The following LMTK2 variants were observed in gnomAD, a reference collection of about 807,000 sequenced individuals.
LMTK2 encodes lemur tail kinase 2.
In LMTK2, 37 loss-of-function variants were observed where a neutral mutation model predicts 127.5. The ratio of observed to expected loss-of-function variants is 0.29; its 90% CI spans 0.22 to 0.38. The LOEUF is 0.38. Among genes scored for constraint, LMTK2 ranks in the 10% least tolerant of loss-of-function variants. The pLI, the probability that LMTK2 is intolerant of heterozygous loss-of-function variation, is 1.00. For missense variants in LMTK2, 1,694 were observed against 1,920.3 expected, an observed-to-expected ratio of 0.88 and a Z score of 2.20; for synonymous variants, 819 against 810.1, an observed-to-expected ratio of 1.01 and a Z score of -0.19.
chr7:98,165,117 G>A (rs916537938), intron 6 of LMTK2, among the ~76,000 whole-genome samples: 8 of 152,202 alleles, frequency 5.3e-5, no homozygotes, highest in African/African-American at 1.2e-4. Context: ...CATGAAGAGC[G>A]GTGACTTGGG....
chr7:98,185,226 CT>C, intron 8 of LMTK2, 91 bp downstream of exon 8: 1 of 882,296 alleles, frequency 1.1e-6, no homozygotes, highest in South Asian at 1.6e-5. Context: ...GTATAAGAAT[CT>C]TAGTCGCTAG....
intron 9 of LMTK2, among the ~76,000 whole-genome samples, chr7:98,190,201 G>C (rs1359823135): frequency 6.6e-6 from 1 of 152,158 alleles, no homozygotes; most frequent in African/African-American, 2.4e-5. Flanking sequence ...GTGGTATTCA[G>C]TAGCAAATAG....
chr7:98,146,558 AT>A (rs1448210351), intron 3 of LMTK2, among the ~76,000 whole-genome samples: 1 of 151,850 alleles, frequency 6.6e-6, no homozygotes, highest in Non-Finnish European at 1.5e-5. Context: ...TTTCTTAGTG[AT>A]TATAATGATT....
In LMTK2 at chr7:98,154,927, A is replaced by G. The variant is rs752920276; in HGVS notation, c.569+51A>G. 5.6e-6 allele frequency: 6 copies of G among 1,067,532 alleles called. No individual in the cohort carries two copies. In the East Asian group the frequency reaches 1.4e-4, roughly 25 times the overall value. 66.1% of individuals were successfully genotyped at this position (1,067,532 alleles called of 1,614,324 possible). A position where few individuals can be genotyped will look rare whatever the true frequency, so the allele number is the denominator to read the frequency against. On this transcript the variant is annotated intron_variant, in intron 5 of 13. Coordinates refer to ENST00000297293, the MANE Select transcript of LMTK2 (RefSeq NM_014916.4). The stretch of plus-strand genomic sequence containing the variant: ...GTAAGACTAGTCTGTGGTCTGTTGA[A>G]GGTCAGGTGTTTAAAACTACTGTGG...
At chr7:98,117,167 C>T (rs1038634242) in intron 1 of LMTK2, among the ~76,000 whole-genome samples, 1 of 152,210 alleles carries the variant, frequency 6.6e-6, no homozygotes, top group Non-Finnish European at 1.5e-5. Context: ...GCAAGCTGTG[C>T]TCCACCTCTT....
At chr7:98,115,470 G>A (rs927350559) in intron 1 of LMTK2, among the ~76,000 whole-genome samples, 2 of 151,710 alleles carry the variant, frequency 1.3e-5, no homozygotes, top group Admixed American at 1.3e-4. Flanking sequence ...AGGAAGGGAG[G>A]GCGGGAGAGA....
chr7:98,175,667 G>T (rs1351725011), intron 7 of LMTK2, among the ~76,000 whole-genome samples: 1 of 152,256 alleles, frequency 6.6e-6, no homozygotes, highest in East Asian at 1.9e-4. Flanking sequence ...TGGAAGACTT[G>T]CTGAAGGCAG....
Position 98,137,389 on chromosome 7 carries a change from G to A in LMTK2, c.178G>A (p.Val60Met), listed in dbSNP as rs562493853. Residue 60 changes from valine to methionine, a missense_variant, in exon 2 of 14, where the codon GTG becomes ATG. By Grantham distance (21) the Val-to-Met change is conservative. Transcript: ENST00000297293. ...LCVCSLIILI[V>M]LIANCVSCCK... ...TGTGTGCAGTTTAATAATATTAATA[G>A]TGTTAATTGCAAACTGTGTATCCTG... 1.0e-4 allele frequency: 165 copies of A among 1,613,642 alleles called. 1 individual carries two copies. The South Asian group carries it at 1.7e-3, about 17-fold the overall frequency.
At position 98,203,727 on chromosome 7, in the gene LMTK2, G is replaced by A; in HGVS notation, c.4240+21G>A. 3.1e-6 allele frequency: 5 copies of A among 1,610,822 alleles called. No individual in the cohort carries two copies. In the South Asian group the frequency reaches 5.5e-5, roughly 18 times the overall value. On this transcript the variant is annotated intron_variant, in intron 12 of 13. Transcript: ENST00000297293. Reference sequence around the variant, plus strand: ...AGAAGGTATTTCACGTCATTGTCTAGTTTTAAAGGAAACTGAAAAATTGAG... The same window carrying A: ...AGAAGGTATTTCACGTCATTGTCTAATTTTAAAGGAAACTGAAAAATTGAG...
intron 1 of LMTK2, among the ~76,000 whole-genome samples, chr7:98,128,028 C>T (rs539790269): frequency 6.6e-6 from 1 of 152,228 alleles, no homozygotes; most frequent in Non-Finnish European, 1.5e-5. Context: ...CCTATAATAC[C>T]AGCTACTTGG....
At chr7:98,111,004 C>T (rs1479751284) in intron 1 of LMTK2, among the ~76,000 whole-genome samples, 2 of 152,130 alleles carry the variant, frequency 1.3e-5, no homozygotes, top group East Asian at 1.9e-4. Context: ...TTTCAACAGG[C>T]TTTCTATGCA....
chr7:98,117,106 T>C (rs1471309684), intron 1 of LMTK2, among the ~76,000 whole-genome samples: 1 of 152,186 alleles, frequency 6.6e-6, no homozygotes, highest in African/African-American at 2.4e-5. Context: ...AAAGTTACTC[T>C]GTCCTCCCCT....
chr7:98,144,394 T>C (rs999140957), intron 3 of LMTK2, among the ~76,000 whole-genome samples: 4 of 151,260 alleles, frequency 2.6e-5, no homozygotes, highest in African/African-American at 9.7e-5. Flanking sequence ...TATCTCACCA[T>C]TGCACTCCAG....
chr7:98,162,221 A>G (rs1348115986), intron 6 of LMTK2, among the ~76,000 whole-genome samples: 1 of 152,190 alleles, frequency 6.6e-6, no homozygotes, highest in Non-Finnish European at 1.5e-5. Flanking sequence ...AACCAGTTTT[A>G]TAAAGAAACA....
At chr7:98,173,925 G>A (rs563481781) in intron 7 of LMTK2, among the ~76,000 whole-genome samples, 8 of 152,098 alleles carry the variant, frequency 5.3e-5, no homozygotes, top group Non-Finnish European at 7.4e-5. Flanking sequence ...ATGTGGTGAC[G>A]GGTGCCTGTA....
chr7:98,136,980 C>T (rs377157721), intron 1 of LMTK2, among the ~76,000 whole-genome samples: 4 of 152,254 alleles, frequency 2.6e-5, no homozygotes, highest in African/African-American at 9.6e-5. Context: ...CAGTAAAATC[C>T]GAATAAAGCC....
At chr7:98,122,561 T>A (rs1211574789) in intron 1 of LMTK2, among the ~76,000 whole-genome samples, 1 of 152,150 alleles carries the variant, frequency 6.6e-6, no homozygotes, top group African/African-American at 2.4e-5. Context: ...ATGCCTCTCA[T>A]CCCACCCTTT....
At chr7:98,199,315 G>C (rs1405235688) in intron 11 of LMTK2, among the ~76,000 whole-genome samples, 1 of 152,126 alleles carries the variant, frequency 6.6e-6, no homozygotes, top group Non-Finnish European at 1.5e-5. Context: ...GAAGTCTCCA[G>C]CTGTGATTTT....
chr7:98,110,385 G>A (rs1321952150), intron 1 of LMTK2, among the ~76,000 whole-genome samples: 1 of 151,940 alleles, frequency 6.6e-6, no homozygotes, highest in Admixed American at 6.6e-5. Flanking sequence ...TGCCCCCTAC[G>A]CCCGCCCCGT....
Sources: gnomAD v4.1 joint callset for allele counts (sites outside exome capture counted in the v4.1 genomes callset) on GRCh38, gnomAD v4.1.1 for gene constraint, MANE v1.5 for transcripts, NCBI Gene and HGNC (gene_info 2026-07-23, HGNC 2026-07-21) for gene names.